Variants in MARCHF8 observed in about 807,000 individuals in gnomAD.
MARCHF8 encodes the protein E3 ubiquitin-protein ligase MARCHF8.
Under a neutral mutation model 51.6 loss-of-function variants are expected in MARCHF8, and 40 were observed. The observed-to-expected ratio is 0.77, with a 90% CI of 0.60 to 1.01. The LOEUF is 1.01. Ranked by LOEUF, MARCHF8 falls within the 50% of genes least tolerant of loss-of-function variation. MARCHF8 has a pLI of 0.00. For synonymous variants in MARCHF8, 263 were observed against 280.3 expected, an observed-to-expected ratio of 0.94 and a Z score of 0.62; for missense variants, 685 against 708.6, an observed-to-expected ratio of 0.97 and a Z score of 0.38.
intron 2 of MARCHF8, among the ~76,000 whole-genome samples, chr10:45,496,447 C>T (rs2043176804): frequency 6.6e-6 from 1 of 151,808 alleles, no homozygotes; most frequent in African/African-American, 2.4e-5. Flanking sequence ...AAAATTTTAC[C>T]AGAGATAAAG....
intron 1 of MARCHF8, among the ~76,000 whole-genome samples, chr10:45,568,702 A>G (rs1341179252): frequency 2.5e-5 from 3 of 119,304 alleles, no homozygotes; most frequent in African/African-American, 6.6e-5. Context: ...CTGGTGACAG[A>G]GCGAGACTGT....
exon 1 of MARCHF8, chr10:45,594,856 C>T (rs2044723368): frequency 2.0e-5 from 3 of 152,348 alleles, no homozygotes; most frequent in Non-Finnish European, 2.9e-5. Context: ...CGCACCTCCC[C>T]CAGCGCGTCG....
chr10:45,490,679 T>C (rs1192305157), intron 2 of MARCHF8, among the ~76,000 whole-genome samples: 1 of 152,192 alleles, frequency 6.6e-6, no homozygotes, highest in African/African-American at 2.4e-5. Flanking sequence ...ATAAAGTCAT[T>C]TTCCTGAATC....
intron 1 of MARCHF8, among the ~76,000 whole-genome samples, chr10:45,590,628 A>C (rs1474894523): frequency 6.6e-6 from 1 of 152,250 alleles, no homozygotes; most frequent in Non-Finnish European, 1.5e-5. Context: ...AGTTGCAGGA[A>C]AAAAAGTCCA....
chr10:45,508,367 T>C (rs912316555), intron 2 of MARCHF8, among the ~76,000 whole-genome samples: 2 of 150,842 alleles, frequency 1.3e-5, no homozygotes, highest in African/African-American at 4.9e-5. Context: ...CTGGAAACAA[T>C]TGTGTTTGTT....
intron 1 of MARCHF8, among the ~76,000 whole-genome samples, chr10:45,546,103 G>A (rs1223146230): frequency 1.3e-5 from 2 of 151,942 alleles, no homozygotes. Context: ...TTTAAAAACA[G>A]CGAGTTCATT....
In MARCHF8 at chr10:45,507,847, A is replaced by G. The variant is rs186628857; in HGVS notation, c.103-18430T>C. On this transcript the variant is annotated intron_variant, in intron 2 of 7. Coordinates refer to ENST00000453424, the MANE Select transcript of MARCHF8 (RefSeq NM_001282866.2). ...AAAAAGATTTTATAAAAGTGCTTGT[A>G]GTTCCTGTAGTATCAAATATTACAC... Among the ~76,000 whole-genome samples the G allele has an allele frequency of 2.0e-3, 307 of 151,500 alleles. 4 individuals are homozygous for G. Among genetic ancestry groups the G allele is most frequent in the Non-Finnish European group, 9.4e-4 (64 of 67,900 alleles).
Position 45,495,934 on chromosome 10 carries a change from C to T in MARCHF8, c.103-6517G>A, listed in dbSNP as rs145318303. Among the ~76,000 whole-genome samples the T allele has an allele frequency of 1.4e-3, 215 of 152,110 alleles. 1 individual carries two copies. Among genetic ancestry groups the T allele is most frequent in the African/African-American group, 5.0e-3 (208 of 41,504 alleles). On this transcript the variant is annotated intron_variant, in intron 2 of 7. Transcript: ENST00000453424. ...TAAAAGCAGCAGGAAATAAATGACT[C>T]ATCATATTCTCCATGGTACATGGGA...
chr10:45,562,657 A>G (rs2133369987), intron 1 of MARCHF8, among the ~76,000 whole-genome samples: 1 of 152,296 alleles, frequency 6.6e-6, no homozygotes, highest in South Asian at 2.1e-4. Context: ...TTTAAAAAAA[A>G]GAAACTTCAA....
At chr10:45,546,245 C>T (rs1345664037) in intron 1 of MARCHF8, among the ~76,000 whole-genome samples, 1 of 152,014 alleles carries the variant, frequency 6.6e-6, no homozygotes, top group East Asian at 1.9e-4. Context: ...ACTGAAACCT[C>T]CACCTTCCTG....
intron 2 of MARCHF8, among the ~76,000 whole-genome samples, chr10:45,519,537 G>T (rs1195264692): frequency 6.6e-6 from 1 of 152,210 alleles, no homozygotes; most frequent in African/African-American, 2.4e-5. Context: ...ACTCAATTCT[G>T]CCATTGTCAG....
chr10:45,461,607 G>A, intron 5 of MARCHF8, 196 bp from the exon 6 acceptor site: 1 of 406,924 alleles, frequency 2.5e-6, no homozygotes. Context: ...CACCAACATG[G>A]AAAGTCTGGA....
chr10:45,586,606 TTC>T (rs1238293476), intron 1 of MARCHF8, among the ~76,000 whole-genome samples: 4 of 152,156 alleles, frequency 2.6e-5, no homozygotes, highest in African/African-American at 9.6e-5. Context: ...TTATGTAAAA[TTC>T]TGATTGCTCT....
chr10:45,578,214 C>T (rs534387050), intron 1 of MARCHF8, among the ~76,000 whole-genome samples: 16 of 152,140 alleles, frequency 1.1e-4, no homozygotes, highest in East Asian at 9.6e-4. Context: ...CAATACTCCT[C>T]GAAGAAAAGC....
intron 2 of MARCHF8, among the ~76,000 whole-genome samples, chr10:45,493,961 T>C (rs17157859): frequency 0.035 from 5,369 of 152,296 alleles, 145 homozygotes; most frequent in East Asian, 0.052. Context: ...TGACTCATGT[T>C]TTAAAAAGCA....
intron 3 of MARCHF8, among the ~76,000 whole-genome samples, chr10:45,465,897 T>G (rs2132949091): frequency 6.6e-6 from 1 of 152,338 alleles, no homozygotes; most frequent in Non-Finnish European, 1.5e-5. Context: ...TAAGTTTACT[T>G]GGACACATGA....
chr10:45,557,303 A>G (rs1488863887), intron 1 of MARCHF8, among the ~76,000 whole-genome samples: 1 of 151,114 alleles, frequency 6.6e-6, no homozygotes, highest in East Asian at 1.9e-4. Context: ...TAACTTTTCT[A>G]TTTTTAGTAG....
In MARCHF8 at chr10:45,506,782, G is replaced by C. The variant is rs568712370; in HGVS notation, c.103-17365C>G. On this transcript the variant is annotated intron_variant, in intron 2 of 7. Coordinates refer to ENST00000453424, the MANE Select transcript of MARCHF8 (RefSeq NM_001282866.2). ...GAAAATAGAGTCAGCAAGGGGAGTT[G>C]GGGTGGGGCAGTTTTATAGGATTTG... Among the ~76,000 whole-genome samples the C allele has an allele frequency of 2.0e-5, 3 of 152,206 alleles. No individual in the cohort carries two copies. In the South Asian group the frequency reaches 6.2e-4, roughly 31 times the overall value.
At chr10:45,572,896 T>C (rs1434668153) in intron 1 of MARCHF8, among the ~76,000 whole-genome samples, 1 of 151,980 alleles carries the variant, frequency 6.6e-6, no homozygotes, top group Non-Finnish European at 1.5e-5. Context: ...TTCCTCAGCC[T>C]CCGCCCCGCC....
Sources: allele counts gnomAD v4.1 joint callset (sites outside exome capture counted in the v4.1 genomes callset), GRCh38; gene constraint gnomAD v4.1.1; transcripts MANE v1.5; gene names NCBI Gene and HGNC (gene_info 2026-07-23, HGNC 2026-07-21).